TMEM14C: variants seen among roughly 807,000 people sequenced by gnomAD.
TMEM14C encodes chromosome 6 open reading frame 53.
Under a neutral mutation model 14.8 loss-of-function variants are expected in TMEM14C, and 13 were observed. The observed-to-expected ratio is 0.88, with a 90% CI of 0.57 to 1.40. The LOEUF (loss-of-function observed/expected upper bound fraction) is 1.40. Among genes scored for constraint, TMEM14C ranks in the 40% most tolerant of loss-of-function variants. The pLI, the probability that TMEM14C is intolerant of heterozygous loss-of-function variation, is 0.00. For missense variants in TMEM14C, 142 were observed against 138.8 expected, an observed-to-expected ratio of 1.02 and a Z score of -0.12; for synonymous variants, 57 against 51.3, an observed-to-expected ratio of 1.11 and a Z score of -0.48.
intron 4 of TMEM14C, 107 bp downstream of exon 4, chr6:10,726,115 G>A (rs1405302690): frequency 5.6e-6 from 7 of 1,248,138 alleles, no homozygotes; most frequent in East Asian, 4.7e-5. Context: ...CTTCACTTAC[G>A]ACAATTTCAC....
chr6:10,728,879 AC>A, intron 5 of TMEM14C, 152 bp downstream of exon 5: 1 of 1,505,976 alleles, frequency 6.6e-7, no homozygotes, highest in Non-Finnish European at 8.9e-7. Context: ...TGTTTCAAAA[AC>A]AATAGCTAGT....
chr6:10,730,632 A>T lies in TMEM14C; in HGVS notation c.305A>T (p.Lys102Ile), dbSNP rs1770997715. The change falls in exon 6 of 6, where the codon AAA becomes ATA. Residue 102 changes from lysine to isoleucine, a missense_variant. Lys to Ile is a moderately radical substitution (Grantham distance 102). Coordinates refer to ENST00000229563, the MANE Select transcript of TMEM14C (RefSeq NM_016462.4). ...TTAAACAGTTTGCTGATGGTCGCCA[A>T]AGTTGGAGTTAGTATGTTCAACAGA... ...IAGASLLMVA[K>I]VGVSMFNRPH is the part of the protein sequence containing the mutation. 3.1e-6 allele frequency: 5 copies of T among 1,612,674 alleles called. No individual in the cohort carries two copies. Among genetic ancestry groups the T allele is most frequent in the Non-Finnish European group, 3.4e-6 (4 of 1,179,112 alleles).
intron 1 of TMEM14C, among the ~76,000 whole-genome samples, chr6:10,724,026 A>G (rs1397417374): frequency 1.3e-5 from 2 of 152,202 alleles, no homozygotes; most frequent in African/African-American, 4.8e-5. Context: ...ACATGTGAAT[A>G]TGACCACTGT....
In TMEM14C at chr6:10,730,813, A is replaced by G; in HGVS notation, c.*147A>G. 1 of 1,355,352 alleles carries G rather than the reference A, an allele frequency of 7.4e-7. No homozygotes were observed. The highest frequency in any genetic ancestry group is 9.5e-7 in the Non-Finnish European group (1 of 1,048,282). The allele number at this position is 1,355,352 out of a possible 1,614,324, so 84.0% of individuals were successfully genotyped here. Reference sequence around the variant, plus strand: ...GACACCAAACTTGGCAGAGAGGTGGAAAATCAGTCATGATTACAAACCTAC... The same window carrying G: ...GACACCAAACTTGGCAGAGAGGTGGGAAATCAGTCATGATTACAAACCTAC... On this transcript the variant is annotated 3_prime_UTR_variant, in exon 6 of 6. Coordinates refer to ENST00000229563, the MANE Select transcript of TMEM14C (RefSeq NM_016462.4).
rs113689936 is a variant in TMEM14C, at chr6:10,729,118, A to T, written c.287+391A>T. 3.5e-3 allele frequency among the ~76,000 whole-genome samples: 533 copies of T among 152,168 alleles called. 3 individuals are homozygous for T. Among genetic ancestry groups the T allele is most frequent in the African/African-American group, 0.012 (509 of 41,544 alleles). Reference sequence around the variant, plus strand: ...TTTTGCTAAAAGAGAATTTTGATTGAATCCTGTTTTCTATTTTTTGTTGTT... The same window carrying T: ...TTTTGCTAAAAGAGAATTTTGATTGTATCCTGTTTTCTATTTTTTGTTGTT... On this transcript the variant is annotated intron_variant, in intron 5 of 5. Transcript: ENST00000229563.
intron 4 of TMEM14C, among the ~76,000 whole-genome samples, chr6:10,728,144 T>G (rs1561905574): frequency 6.6e-6 from 1 of 152,218 alleles, no homozygotes; most frequent in Non-Finnish European, 1.5e-5. Flanking sequence ...TGTCTAAGCC[T>G]TTTTATTCGT....
intron 3 of TMEM14C, 27 bp from the exon 4 acceptor site, chr6:10,725,880 A>G: frequency 6.2e-7 from 1 of 1,612,512 alleles, no homozygotes; most frequent in Non-Finnish European, 8.5e-7. Context: ...TGACATTACA[A>G]TGCAAGCTGT....
chr6:10,726,054 T>A (rs1014437226), intron 4 of TMEM14C, 46 bp downstream of exon 4: 1 of 1,608,794 alleles, frequency 6.2e-7, no homozygotes, highest in African/African-American at 1.3e-5. Flanking sequence ...GTATCCAGAA[T>A]ACTCTTTTCC....
intron 5 of TMEM14C, 42 bp from the exon 6 acceptor site, chr6:10,730,572 CT>C (rs1435453070): frequency 1.3e-6 from 2 of 1,598,358 alleles, no homozygotes; most frequent in East Asian, 4.5e-5. Flanking sequence ...GTTGCCTGTT[CT>C]GTCCTTTACC....
At chr6:10,728,295 T>C (rs1005577406) in intron 4 of TMEM14C, among the ~76,000 whole-genome samples, 2 of 152,218 alleles carry the variant, frequency 1.3e-5, no homozygotes, top group Non-Finnish European at 2.9e-5. Flanking sequence ...GTGGGAATTG[T>C]GTGCAGGGTA....
In TMEM14C at chr6:10,725,012, T is replaced by G. The variant is rs1042507896; in HGVS notation, c.72T>G (p.Gly24=). The change falls in exon 3 of 6, where the codon GGT becomes GGG. Residue 24 remains glycine, a synonymous_variant. Transcript: ENST00000229563. ...GCTACGCAGCACTGGTTGCTTCTGG[T>G]GGGATCATTGGCTATGTAAAAGCAG... ...GFGYAALVAS[G]GIIGYVKAGS... 8.7e-6 allele frequency: 14 copies of G among 1,614,124 alleles called. No individual in the cohort carries two copies. Among genetic ancestry groups the G allele is most frequent in the Non-Finnish European group, 1.2e-5 (14 of 1,180,056 alleles).
At chr6:10,726,956 G>A (rs924584032) in intron 4 of TMEM14C, among the ~76,000 whole-genome samples, 2 of 152,126 alleles carry the variant, frequency 1.3e-5, no homozygotes, top group African/African-American at 2.4e-5. Flanking sequence ...AGGGAGGTCC[G>A]TGATGGCTAA....
Position 10,724,457 on chromosome 6 carries a change from A to C in TMEM14C, c.-44-113A>C. 1.2e-5 allele frequency: 8 copies of C among 685,060 alleles called. No homozygotes were observed. In the South Asian group the frequency reaches 1.4e-4, roughly 12 times the overall value. The allele number at this position is 685,060 out of a possible 1,614,324, so 42.4% of individuals were successfully genotyped here. On this transcript the variant is annotated intron_variant, in intron 1 of 5. Coordinates refer to ENST00000229563, the MANE Select transcript of TMEM14C (RefSeq NM_016462.4). The stretch of plus-strand genomic sequence containing the variant: ...TCGGTACCAGTGTTATCCTCATGGT[A>C]CAGTGAAGAATACTGAGACTTAGGT...
intron 4 of TMEM14C, among the ~76,000 whole-genome samples, chr6:10,727,213 C>A (rs1027504644): frequency 6.6e-6 from 1 of 152,198 alleles, no homozygotes; most frequent in Non-Finnish European, 1.5e-5. Context: ...TTCCTCTGGG[C>A]TTTGGGTGTC....
In TMEM14C at chr6:10,724,994, A is replaced by G; in HGVS notation, c.54A>G (p.Ala18=). The G allele has an allele frequency of 3.1e-6, 5 of 1,614,222 alleles. No homozygotes were observed. The highest frequency in any genetic ancestry group is 3.4e-6 in the Non-Finnish European group (4 of 1,180,036). ...VPLHWFGFGY[A]ALVASGGIIG... ...TGCATTGGTTTGGCTTTGGCTACGC[A>G]GCACTGGTTGCTTCTGGTGGGATCA... Residue 18 remains alanine, a synonymous_variant, in exon 3 of 6, where the codon GCA becomes GCG. Transcript: ENST00000229563.
At chr6:10,728,750 C>T (rs1484611933) in intron 5 of TMEM14C, 23 bp downstream of exon 5, 2 of 1,614,098 alleles carry the variant, frequency 1.2e-6, no homozygotes, top group Non-Finnish European at 1.7e-6. Flanking sequence ...TATTACTCTT[C>T]TTTACCATGT....
In TMEM14C at chr6:10,724,977, T is replaced by C. The variant is rs1561903878; in HGVS notation, c.37T>C (p.Phe13Leu). Residue 13 changes from phenylalanine (F) to leucine (L), a missense_variant, in exon 3 of 6, where the codon TTT becomes CTT. Phe to Leu is a conservative substitution (Grantham distance 22). Transcript: ENST00000229563. ...TGTTTTCAGAGTGCCTTTGCATTGG[T>C]TTGGCTTTGGCTACGCAGCACTGGT... ...DTGSVVPLHW[F>L]GFGYAALVAS... 1 of 1,614,250 alleles carries C rather than the reference T, an allele frequency of 6.2e-7. No homozygotes were observed.
At chr6:10,728,826 T>C (rs1744618187) in intron 5 of TMEM14C, 99 bp downstream of exon 5, 1 of 1,580,944 alleles carries the variant, frequency 6.3e-7, no homozygotes, top group African/African-American at 1.3e-5. Context: ...GGATATCTGA[T>C]GCTATGTATC....
intron 4 of TMEM14C, among the ~76,000 whole-genome samples, chr6:10,726,669 C>T (rs184221251): frequency 2.0e-4 from 31 of 152,190 alleles, no homozygotes; most frequent in African/African-American, 5.3e-4. Context: ...CCAGCCTGGG[C>T]GACAGAGCAA....
Sources: allele counts gnomAD v4.1 joint callset (sites outside exome capture counted in the v4.1 genomes callset), GRCh38; gene constraint gnomAD v4.1.1; transcripts MANE v1.5; gene names NCBI Gene and HGNC (gene_info 2026-07-23, HGNC 2026-07-21).